MTHFD1L: variants seen among roughly 807,000 people sequenced by gnomAD.
The protein encoded by MTHFD1L is methylenetetrahydrofolate dehydrogenase (NADP+ dependent) 1 like.
MTHFD1L carries 81 observed loss-of-function variants against 119.5 expected under a neutral mutation model. That is an observed-to-expected ratio of 0.68 (90% CI 0.57 to 0.82). The LOEUF is 0.82. Ranked by LOEUF, MTHFD1L falls within the 40% of genes least tolerant of loss-of-function variation. The probability of loss-of-function intolerance (pLI) is 0.00; values close to 1 mark genes in which losing one functional copy is unlikely to be tolerated. For synonymous variants in MTHFD1L, 430 were observed against 475.2 expected (o/e 0.90, Z 1.24); for missense variants, 1,125 against 1,253.4 (o/e 0.90, Z 1.55).
At chr6:150,993,269 A>T (rs911518574) in intron 20 of MTHFD1L, among the ~76,000 whole-genome samples, 14 of 152,212 alleles carry the variant, frequency 9.2e-5, no homozygotes, top group Admixed American at 9.2e-4. Context: ...CATTTGGCAC[A>T]TACACAAACA....
At chr6:151,041,346 C>T (rs1202868984) in intron 26 of MTHFD1L, among the ~76,000 whole-genome samples, 1 of 152,176 alleles carries the variant, frequency 6.6e-6, no homozygotes, top group Non-Finnish European at 1.5e-5. Context: ...ACATTCATCA[C>T]CCGTGTGGGA....
At chr6:150,980,228 G>A (rs1187751133) in intron 20 of MTHFD1L, among the ~76,000 whole-genome samples, 1 of 152,168 alleles carries the variant, frequency 6.6e-6, no homozygotes, top group Non-Finnish European at 1.5e-5. Context: ...ATCACAGGTC[G>A]TGTTTTTCAG....
rs897293126 is a variant in MTHFD1L, at chr6:151,101,653, G to T, written c.*159G>T. On this transcript the variant is annotated 3_prime_UTR_variant, in exon 28 of 28. Coordinates refer to ENST00000367321, the MANE Select transcript of MTHFD1L (RefSeq NM_015440.5). ...CAAAGATTTCTTCTTCGTTCAAGATGAATTCTGTTCACAGTGGAGTATGGT... is the reference window on the plus strand; with the variant it reads ...CAAAGATTTCTTCTTCGTTCAAGATTAATTCTGTTCACAGTGGAGTATGGT... 1.3e-5 allele frequency: 2 copies of T among 152,590 alleles called. No individual in the cohort carries two copies. Among genetic ancestry groups the T allele is most frequent in the African/African-American group, 4.8e-5 (2 of 41,448 alleles). The allele number at this position is 152,590 out of a possible 1,614,324, so 9.5% of individuals were successfully genotyped here. A position where few individuals can be genotyped will look rare whatever the true frequency, so the allele number is the denominator to read the frequency against.
At chr6:151,066,202 C>T (rs1028333861) in intron 26 of MTHFD1L, among the ~76,000 whole-genome samples, 5 of 151,908 alleles carry the variant, frequency 3.3e-5, no homozygotes, top group African/African-American at 9.7e-5. Flanking sequence ...TTTGGGAGGC[C>T]GAGGCGGGCG....
chr6:151,094,878 C>T (rs1351425139), intron 27 of MTHFD1L, among the ~76,000 whole-genome samples: 2 of 152,136 alleles, frequency 1.3e-5, no homozygotes, highest in African/African-American at 2.4e-5. Flanking sequence ...GGGGTTTTAC[C>T]GTGTTGGCCA....
intron 27 of MTHFD1L, chr6:151,100,004 A>T: frequency 2.7e-6 from 2 of 748,492 alleles, no homozygotes; most frequent in East Asian, 5.2e-5. Flanking sequence ...TTTAAAAAAA[A>T]AGAAAAGAAA....
At chr6:150,950,093 G>A (rs892319866) in intron 16 of MTHFD1L, among the ~76,000 whole-genome samples, 7 of 152,216 alleles carry the variant, frequency 4.6e-5, no homozygotes, top group African/African-American at 7.2e-5. Context: ...TCTTGCTTCC[G>A]TTTCCATCCC....
intron 1 of MTHFD1L, among the ~76,000 whole-genome samples, chr6:150,867,261 G>A (rs1195253221): frequency 6.6e-6 from 1 of 152,054 alleles, no homozygotes; most frequent in Non-Finnish European, 1.5e-5. Flanking sequence ...GTGCCATCTC[G>A]GCTCAATGCA....
At chr6:151,030,883 G>C (rs1174326901) in intron 24 of MTHFD1L, among the ~76,000 whole-genome samples, 1 of 152,162 alleles carries the variant, frequency 6.6e-6, no homozygotes, top group East Asian at 1.9e-4. Context: ...TATGAACATT[G>C]AATCTTTTAC....
At chr6:150,882,981 A>G in intron 5 of MTHFD1L, 95 bp downstream of exon 5, 2 of 1,212,646 alleles carry the variant, frequency 1.6e-6, no homozygotes, top group Non-Finnish European at 2.3e-6. Flanking sequence ...TATTTATTTC[A>G]ACTGTGTCAG....
chr6:150,893,405 T>TA (rs1259873065), intron 7 of MTHFD1L, among the ~76,000 whole-genome samples: 2 of 152,102 alleles, frequency 1.3e-5, no homozygotes, highest in Admixed American at 6.6e-5. Context: ...CAACCAAGAA[T>TA]AAAAGTGCAT....
At chr6:151,082,848 G>A (rs916474074) in intron 26 of MTHFD1L, among the ~76,000 whole-genome samples, 1 of 152,194 alleles carries the variant, frequency 6.6e-6, no homozygotes, top group Non-Finnish European at 1.5e-5. Flanking sequence ...TGAAGGCTGA[G>A]CGAAGTAACT....
chr6:150,896,421 A>C (rs528331175), intron 7 of MTHFD1L, among the ~76,000 whole-genome samples: 2 of 152,264 alleles, frequency 1.3e-5, no homozygotes, highest in South Asian at 4.2e-4. Flanking sequence ...ATGGACACAC[A>C]AGACAGCCTC....
chr6:150,984,944 T>G (rs1778053730), intron 20 of MTHFD1L: 1 of 152,190 alleles, frequency 6.6e-6, no homozygotes, highest in Non-Finnish European at 1.5e-5. Context: ...TCCAATTGCC[T>G]GGTTTTGAAT....
At chr6:150,945,610 C>G (rs757276479) in intron 15 of MTHFD1L, 69 bp downstream of exon 15, 72 of 1,483,014 alleles carry the variant, frequency 4.9e-5, no homozygotes, top group Non-Finnish European at 6.4e-5. Flanking sequence ...ATTGTCAAAG[C>G]CTGAAATTTT....
chr6:150,897,582 A>G (rs1315530217), intron 7 of MTHFD1L, among the ~76,000 whole-genome samples: 1 of 152,176 alleles, frequency 6.6e-6, no homozygotes, highest in Non-Finnish European at 1.5e-5. Context: ...GTTACTTTGT[A>G]GTCACCTGTG....
At chr6:150,912,014 G>A (rs114898765) in intron 8 of MTHFD1L, among the ~76,000 whole-genome samples, 76 of 152,092 alleles carry the variant, frequency 5.0e-4, no homozygotes, top group African/African-American at 1.8e-3. Flanking sequence ...ATCAGAGGAG[G>A]AGGTGCATAC....
rs1170564175 is a variant in MTHFD1L, at chr6:150,960,554, G to T, written c.1944+139G>T. 3.3e-6 allele frequency: 4 copies of T among 1,197,224 alleles called. No homozygotes were observed. The East Asian group carries it at 1.1e-4, about 32-fold the overall frequency. The allele number at this position is 1,197,224 out of a possible 1,614,324, so 74.2% of individuals were successfully genotyped here. A position where few individuals can be genotyped will look rare whatever the true frequency, so the allele number is the denominator to read the frequency against. On this transcript the variant is annotated intron_variant, in intron 18 of 27. Transcript: ENST00000367321. Reference sequence around the variant, plus strand: ...GTTTCCACACACACATTTCTTCCCCGACAAGCATGTTTGCCTAACTGCTTC... The same window carrying T: ...GTTTCCACACACACATTTCTTCCCCTACAAGCATGTTTGCCTAACTGCTTC...
At chr6:150,866,187 G>A in intron 1 of MTHFD1L, 138 bp downstream of exon 1, 3 of 1,359,302 alleles carry the variant, frequency 2.2e-6, no homozygotes, top group Non-Finnish European at 2.9e-6. Flanking sequence ...GGGGCCGGGC[G>A]GTGTGTCGGG....
Sources: allele counts gnomAD v4.1 joint callset (sites outside exome capture counted in the v4.1 genomes callset), GRCh38; gene constraint gnomAD v4.1.1; transcripts MANE v1.5; gene names NCBI Gene and HGNC (gene_info 2026-07-23, HGNC 2026-07-21).